The following GRID2 variants were observed in gnomAD, a reference collection of about 807,000 sequenced individuals.
GRID2 encodes the protein glutamate receptor ionotropic, delta-2.
In GRID2, 33 loss-of-function variants were observed where a neutral mutation model predicts 114.8. The observed-to-expected ratio is 0.29, with a 90% CI of 0.22 to 0.38. The LOEUF (loss-of-function observed/expected upper bound fraction) is 0.38. Ranked by LOEUF, GRID2 falls within the 10% of genes least tolerant of loss-of-function variation. The pLI is 1.00. For missense variants in GRID2, 1,184 were observed against 1,257.7 expected (o/e 0.94, Z 0.89); for synonymous variants, 505 against 449.9 (o/e 1.12, Z -1.55).
At chr4:92,381,663 G>T (rs1325484756) in intron 1 of GRID2, among the ~76,000 whole-genome samples, 1 of 151,938 alleles carries the variant, frequency 6.6e-6, no homozygotes, top group Non-Finnish European at 1.5e-5. Flanking sequence ...TCTTTGCAAA[G>T]AATTAACCAT....
chr4:93,275,352 A>G (rs1751935522), intron 8 of GRID2, among the ~76,000 whole-genome samples: 1 of 151,712 alleles, frequency 6.6e-6, no homozygotes, highest in Non-Finnish European at 1.5e-5. Context: ...CTTTTCCTCC[A>G]TTATGAATAA....
At position 93,584,464 on chromosome 4, in the gene GRID2, C is replaced by G. The variant is rs574631015; in HGVS notation, c.2194-41805C>G. On this transcript the variant is annotated intron_variant, in intron 13 of 15. Coordinates refer to ENST00000282020, the MANE Select transcript of GRID2 (RefSeq NM_001510.4). Reference sequence around the variant, plus strand: ...TTTCTTCCTTTCTTTATTATACTATCCCTCAATGGTTGAAAATGTTGTTTT... The same window carrying G: ...TTTCTTCCTTTCTTTATTATACTATGCCTCAATGGTTGAAAATGTTGTTTT... Among the ~76,000 whole-genome samples the G allele has an allele frequency of 2.6e-5, 4 of 152,136 alleles. No individual in the cohort carries two copies. The South Asian group carries it at 8.3e-4, about 32-fold the overall frequency.
chr4:93,471,725 G>GTTTTTTTTTT (rs1724842143), intron 11 of GRID2, among the ~76,000 whole-genome samples: 2 of 25,716 alleles, frequency 7.8e-5, no homozygotes, highest in African/African-American at 5.7e-4. Context: ...TGGAGACGGA[G>GTTTTTTTTTT]TTTTTGCTCT....
At chr4:93,574,568 C>G (rs945944598) in intron 13 of GRID2, among the ~76,000 whole-genome samples, 2 of 152,014 alleles carry the variant, frequency 1.3e-5, no homozygotes, top group Admixed American at 1.3e-4. Flanking sequence ...AGAGAGAGAG[C>G]TTGTGCAGGG....
At chr4:92,582,601 T>G in intron 1 of GRID2, among the ~76,000 whole-genome samples, 1 of 152,086 alleles carries the variant, frequency 6.6e-6, no homozygotes, top group South Asian at 2.1e-4. Flanking sequence ...ATTAATAAAA[T>G]TTTATAAAAC....
At chr4:93,254,888 C>T (rs1014159958) in intron 8 of GRID2, among the ~76,000 whole-genome samples, 8 of 152,148 alleles carry the variant, frequency 5.3e-5, no homozygotes, top group South Asian at 4.1e-4. Flanking sequence ...GTCATTCCAA[C>T]GTGATTTTTA....
chr4:92,638,656 C>T (rs1256029241), intron 2 of GRID2, among the ~76,000 whole-genome samples: 6 of 149,504 alleles, frequency 4.0e-5, no homozygotes, highest in African/African-American at 1.2e-4. Context: ...AAAGATAATA[C>T]AAATTAATTG....
intron 2 of GRID2, among the ~76,000 whole-genome samples, chr4:92,856,600 G>A (rs1393282388): frequency 6.6e-6 from 1 of 152,068 alleles, no homozygotes; most frequent in African/African-American, 2.4e-5. Context: ...AAATAAGGCT[G>A]TACCATTAGA....
intron 13 of GRID2, among the ~76,000 whole-genome samples, chr4:93,554,929 G>A (rs574007463): frequency 1.1e-4 from 17 of 152,276 alleles, no homozygotes; most frequent in Admixed American, 7.9e-4. Flanking sequence ...ATTGGGACTG[G>A]TTAGACAGTG....
chr4:93,072,449 A>C (rs1728892448), intron 2 of GRID2, among the ~76,000 whole-genome samples: 1 of 152,148 alleles, frequency 6.6e-6, no homozygotes, highest in Admixed American at 6.6e-5. Flanking sequence ...AGGCTATTGA[A>C]GTACTCTTCC....
intron 2 of GRID2, among the ~76,000 whole-genome samples, chr4:92,685,222 T>G (rs1733842069): frequency 6.6e-6 from 1 of 152,080 alleles, no homozygotes; most frequent in Non-Finnish European, 1.5e-5. Context: ...GTGAAAACAT[T>G]GTTCTGAACT....
At chr4:93,548,541 T>G (rs896815610) in intron 13 of GRID2, among the ~76,000 whole-genome samples, 1 of 152,204 alleles carries the variant, frequency 6.6e-6, no homozygotes, top group African/African-American at 2.4e-5. Flanking sequence ...AAAGATGTTA[T>G]AGTGGTAATA....
At chr4:93,416,529 C>T (rs866454554) in intron 9 of GRID2, among the ~76,000 whole-genome samples, 4 of 152,142 alleles carry the variant, frequency 2.6e-5, no homozygotes, top group Middle Eastern at 3.4e-3. Context: ...GCCTTCCTGG[C>T]ATTCTGTAGT....
At chr4:93,565,019 A>G (rs1190871315) in intron 13 of GRID2, among the ~76,000 whole-genome samples, 2 of 152,130 alleles carry the variant, frequency 1.3e-5, no homozygotes, top group East Asian at 3.8e-4. Context: ...TGGCTTTTGA[A>G]ATAAAGAGGA....
chr4:93,495,308 T>A (rs1019285402), intron 12 of GRID2, among the ~76,000 whole-genome samples: 1 of 144,578 alleles, frequency 6.9e-6, no homozygotes, highest in Non-Finnish European at 1.6e-5. Flanking sequence ...CCCTAGCATA[T>A]CAATAACAGG....
intron 12 of GRID2, among the ~76,000 whole-genome samples, chr4:93,494,500 T>G (rs1178397848): frequency 6.6e-6 from 1 of 151,868 alleles, no homozygotes; most frequent in Non-Finnish European, 1.5e-5. Flanking sequence ...TACCTTGTTT[T>G]TAAAATTAGA....
intron 2 of GRID2, among the ~76,000 whole-genome samples, chr4:92,899,252 ATCTG>A (rs1747391916): frequency 6.6e-6 from 1 of 151,964 alleles, no homozygotes. Context: ...ATGTTTGTAA[ATCTG>A]TCTTTTGTTT....
chr4:93,236,254 GA>G (rs1383904829), intron 7 of GRID2, among the ~76,000 whole-genome samples: 2 of 151,982 alleles, frequency 1.3e-5, no homozygotes, highest in African/African-American at 4.8e-5. Context: ...TACCGGAATA[GA>G]TTGGCAAGAA....
chr4:92,878,270 C>T (rs982737151), intron 2 of GRID2, among the ~76,000 whole-genome samples: 8 of 152,114 alleles, frequency 5.3e-5, no homozygotes, highest in Non-Finnish European at 1.2e-4. Flanking sequence ...GGCGGTTTTA[C>T]TCAGTCATCT....
Sources: gnomAD v4.1 joint callset for allele counts (sites outside exome capture counted in the v4.1 genomes callset) on GRCh38, gnomAD v4.1.1 for gene constraint, MANE v1.5 for transcripts, NCBI Gene and HGNC (gene_info 2026-07-23, HGNC 2026-07-21) for gene names.